PTK2: variants seen among roughly 807,000 people sequenced by gnomAD.
PTK2 encodes the protein protein tyrosine kinase 2, also known as focal adhesion kinase 1.
A neutral mutation model predicts 150.1 loss-of-function variants in PTK2; 45 were observed. The observed-to-expected ratio is 0.30, with a 90% CI of 0.24 to 0.38. PTK2 has a LOEUF of 0.38. Ranked by LOEUF, PTK2 falls within the 10% of genes least tolerant of loss-of-function variation. The probability of loss-of-function intolerance (pLI) is 1.00; values close to 1 mark genes in which losing one functional copy is unlikely to be tolerated. For synonymous variants in PTK2, 432 were observed against 449.2 expected, an observed-to-expected ratio of 0.96 and a Z score of 0.48; for missense variants, 919 against 1,307.3, an observed-to-expected ratio of 0.70 and a Z score of 4.58.
chr8:140,803,110 G>A (rs1017726562), intron 11 of PTK2, among the ~76,000 whole-genome samples: 1 of 148,232 alleles, frequency 6.7e-6, no homozygotes, highest in East Asian at 2.0e-4. Context: ...TGCCTCCTGG[G>A]TTCAAGAGAT....
chr8:140,913,950 T>C (rs1423520291), intron 2 of PTK2, among the ~76,000 whole-genome samples: 2 of 152,060 alleles, frequency 1.3e-5, no homozygotes, highest in African/African-American at 4.8e-5. Flanking sequence ...CAACCAAAGG[T>C]ATCACCAAAT....
At chr8:140,678,195 C>T (rs999035631) in intron 27 of PTK2, among the ~76,000 whole-genome samples, 2 of 151,530 alleles carry the variant, frequency 1.3e-5, no homozygotes, top group African/African-American at 2.4e-5. Context: ...TACAAACGCC[C>T]GCCACGATGC....
At chr8:140,961,165 T>C (rs1227648354) in intron 1 of PTK2, among the ~76,000 whole-genome samples, 2 of 152,214 alleles carry the variant, frequency 1.3e-5, no homozygotes, top group Non-Finnish European at 2.9e-5. Context: ...GCCTTTTACA[T>C]TTATTTCCCT....
intron 11 of PTK2, 92 bp from the exon 12 acceptor site, chr8:140,800,668 T>A (rs2100094522): frequency 3.3e-6 from 3 of 913,198 alleles, no homozygotes; most frequent in Admixed American, 3.6e-5. Flanking sequence ...CTCTATACAC[T>A]TGAAAACAGA....
At chr8:140,782,212 C>T (rs1595409839) in intron 14 of PTK2, among the ~76,000 whole-genome samples, 1 of 144,510 alleles carries the variant, frequency 6.9e-6, no homozygotes, top group African/African-American at 2.6e-5. Flanking sequence ...ATATAATTTA[C>T]AAAAATGAAT....
rs543695546 is a variant in PTK2, at chr8:140,988,235, T to A, written c.-122+12890A>T. Among the ~76,000 whole-genome samples the A allele has an allele frequency of 2.6e-4, 40 of 152,242 alleles. 1 individual carries two copies. In the South Asian group the frequency reaches 3.1e-3, roughly 12 times the overall value. ...ACCTTCAATGTAATCCCAAACAACA[T>A]CTGGAAGAATTATTTTAGAAGTTGA... is the stretch of plus-strand genomic sequence containing the variant. On this transcript the variant is annotated intron_variant, in intron 1 of 31. Coordinates refer to ENST00000522684, the Ensembl canonical transcript of PTK2.
chr8:140,987,963 T>C (rs1409960739), intron 1 of PTK2, among the ~76,000 whole-genome samples: 1 of 151,506 alleles, frequency 6.6e-6, no homozygotes, highest in Non-Finnish European at 1.5e-5. Context: ...GAGGATCACT[T>C]GAGCCTGGGA....
intron 1 of PTK2, among the ~76,000 whole-genome samples, chr8:140,927,917 A>G (rs2100170073): frequency 6.9e-6 from 1 of 144,794 alleles, no homozygotes; most frequent in Non-Finnish European, 1.5e-5. Flanking sequence ...CTGGGCAACA[A>G]GAGCAAAACT....
chr8:140,927,519 T>C (rs369120338), intron 1 of PTK2: 19 of 152,360 alleles, frequency 1.2e-4, no homozygotes, highest in Non-Finnish European at 2.1e-4. Flanking sequence ...GGGGGTCTGA[T>C]GGTGTCAGGA....
chr8:140,902,931 T>TTTTTTG (rs1568513885), intron 2 of PTK2, among the ~76,000 whole-genome samples: 21 of 16,832 alleles, frequency 1.2e-3, no homozygotes, highest in Non-Finnish European at 2.1e-3. Context: ...GTTGTTTTTT[T>TTTTTTG]TTTTTTTTTT....
intron 7 of PTK2, among the ~76,000 whole-genome samples, chr8:140,832,642 CAGG>C (rs1324088319): frequency 1.3e-5 from 2 of 151,986 alleles, no homozygotes; most frequent in Non-Finnish European, 2.9e-5. Flanking sequence ...TGCTGGTGGA[CAGG>C]AGAAGCGGTG....
intron 1 of PTK2, among the ~76,000 whole-genome samples, chr8:140,959,285 C>T (rs2154609320): frequency 6.6e-6 from 1 of 151,742 alleles, no homozygotes; most frequent in African/African-American, 2.4e-5. Flanking sequence ...AATCCCAGCA[C>T]TTTGGGAGGC....
intron 17 of PTK2, among the ~76,000 whole-genome samples, chr8:140,751,059 C>A (rs368973741): frequency 1.3e-5 from 2 of 152,092 alleles, no homozygotes; most frequent in South Asian, 2.1e-4. Flanking sequence ...CACAGCGAGA[C>A]CCGAGACAGA....
intron 7 of PTK2, among the ~76,000 whole-genome samples, chr8:140,831,288 G>A (rs994980577): frequency 1.3e-5 from 2 of 152,144 alleles, no homozygotes; most frequent in Admixed American, 1.3e-4. Flanking sequence ...GGTGTCACTC[G>A]TGTGCTAGCA....
At chr8:140,782,165 T>A (rs545293853) in intron 14 of PTK2, among the ~76,000 whole-genome samples, 2 of 152,038 alleles carry the variant, frequency 1.3e-5, no homozygotes, top group East Asian at 1.9e-4. Flanking sequence ...ATAAAAATTA[T>A]TAGTAGCATT....
chr8:140,678,151 A>G (rs2100014940), intron 27 of PTK2, among the ~76,000 whole-genome samples: 1 of 152,128 alleles, frequency 6.6e-6, no homozygotes, highest in African/African-American at 2.4e-5. Context: ...GGTTCAAGTG[A>G]TTCTCCTGCC....
chr8:140,895,309 C>G (rs555386697), intron 2 of PTK2, among the ~76,000 whole-genome samples: 26 of 152,210 alleles, frequency 1.7e-4, no homozygotes, highest in African/African-American at 5.3e-4. Context: ...GGGAGGACAG[C>G]TTGAGGCCAG....
At chr8:140,885,627 C>T (rs1198603082) in intron 3 of PTK2, among the ~76,000 whole-genome samples, 1 of 152,136 alleles carries the variant, frequency 6.6e-6, no homozygotes, top group African/African-American at 2.4e-5. Context: ...AGGGTGAGAA[C>T]AAGCAAGGAG....
At chr8:140,741,760 C>T (rs918938896) in intron 20 of PTK2, among the ~76,000 whole-genome samples, 2 of 152,090 alleles carry the variant, frequency 1.3e-5, no homozygotes, top group Non-Finnish European at 2.9e-5. Flanking sequence ...AATATTAGTT[C>T]AGTAACAATT....
Sources: gnomAD v4.1 joint callset for allele counts (sites outside exome capture counted in the v4.1 genomes callset) on GRCh38, gnomAD v4.1.1 for gene constraint, MANE v1.5 for transcripts, NCBI Gene and HGNC (gene_info 2026-07-23, HGNC 2026-07-21) for gene names.